Variants in CFAP144 observed in about 807,000 individuals in gnomAD.
CFAP144 encodes the protein cilia and flagella associated protein 144.
chr1:43,150,788 C>A, the CFAP144 span: 1 of 1,610,624 alleles, frequency 6.2e-7, no homozygotes, highest in East Asian at 2.2e-5. Context: ...AAGCCCATGT[C>A]TTGGCATGAT....
chr1:43,152,912 G>A, the CFAP144 span: 2 of 1,613,196 alleles, frequency 1.2e-6, no homozygotes, highest in Non-Finnish European at 1.7e-6. Flanking sequence ...CAGGAAGTTG[G>A]ATGGGACTTA....
chr1:43,145,025 T>A, the CFAP144 span: 1 of 548,352 alleles, frequency 1.8e-6, no homozygotes, highest in Non-Finnish European at 3.3e-6. Flanking sequence ...GGACCCCTTT[T>A]CCATGACCAG....
the CFAP144 span, among the ~76,000 whole-genome samples, chr1:43,152,469 TCAC>T: frequency 1.3e-5 from 2 of 152,158 alleles, no homozygotes; most frequent in Admixed American, 1.3e-4. Context: ...ACATGACCCT[TCAC>T]CTATTCCTTT....
the CFAP144 span, chr1:43,147,816 C>A: frequency 3.3e-6 from 5 of 1,509,070 alleles, no homozygotes; most frequent in South Asian, 5.1e-5. Context: ...CAGAGTGAGA[C>A]CCGCCCCGAC....
chr1:43,156,241 CTT>C, the CFAP144 span: 30 of 1,614,008 alleles, frequency 1.9e-5, no homozygotes. Context: ...GGCTGAATCA[CTT>C]CAGGGTCTGC....
chr1:43,143,996 AC>A, the CFAP144 span, among the ~76,000 whole-genome samples: 75 of 152,320 alleles, frequency 4.9e-4, no homozygotes, highest in African/African-American at 1.8e-3. Context: ...CTTTAATCAC[AC>A]ATATCTATCC....
the CFAP144 span, among the ~76,000 whole-genome samples, chr1:43,148,728 G>A: frequency 2.0e-5 from 3 of 152,002 alleles, no homozygotes; most frequent in African/African-American, 7.3e-5. Flanking sequence ...TCTGCAAAAG[G>A]CCCCGGATGA....
the CFAP144 span, among the ~76,000 whole-genome samples, chr1:43,145,694 T>C: frequency 6.6e-6 from 1 of 152,174 alleles, no homozygotes; most frequent in African/African-American, 2.4e-5. Context: ...CTAGATTCAA[T>C]ATAATCTCAA....
chr1:43,152,960 C>T, the CFAP144 span: 6 of 1,592,938 alleles, frequency 3.8e-6, no homozygotes, highest in South Asian at 1.1e-5. Context: ...TCAGGAAATA[C>T]GAGGAAACAC....
At chr1:43,148,690 ACT>A in the CFAP144 span, among the ~76,000 whole-genome samples, 4 of 150,868 alleles carry the variant, frequency 2.7e-5, no homozygotes, top group Non-Finnish European at 4.4e-5. Flanking sequence ...CACCTTCCCC[ACT>A]CTCTGCTGCT....
the CFAP144 span, among the ~76,000 whole-genome samples, chr1:43,154,337 C>A: frequency 7.0e-6 from 1 of 142,780 alleles, no homozygotes; most frequent in Admixed American, 7.1e-5. Flanking sequence ...TATATATCCC[C>A]TCTTTTTATA....
the CFAP144 span, chr1:43,156,321 G>A: frequency 6.2e-7 from 1 of 1,604,566 alleles, no homozygotes; most frequent in East Asian, 2.2e-5. Context: ...TAGCATCCCA[G>A]CGGATGAGCC....
At chr1:43,154,098 ATACT>A in the CFAP144 span, among the ~76,000 whole-genome samples, 1 of 119,208 alleles carries the variant, frequency 8.4e-6, no homozygotes, top group Non-Finnish European at 1.7e-5. Context: ...ATATATATAT[ATACT>A]CTCTTTTTAT....
chr1:43,144,712 G>A, the CFAP144 span, among the ~76,000 whole-genome samples: 6 of 151,972 alleles, frequency 3.9e-5, no homozygotes, highest in African/African-American at 2.4e-5. Context: ...GTTTTAAACC[G>A]TGCATCTGCT....
chr1:43,143,389 T>C, the CFAP144 span, among the ~76,000 whole-genome samples: 3 of 152,178 alleles, frequency 2.0e-5, no homozygotes, highest in African/African-American at 7.2e-5. Flanking sequence ...GCAGCTGAAC[T>C]TCCATAGAGT....
chr1:43,154,224 AT>A, the CFAP144 span, among the ~76,000 whole-genome samples: 15 of 144,702 alleles, frequency 1.0e-4, no homozygotes, highest in Admixed American at 4.2e-4. Context: ...TATTATATAA[AT>A]TTTTATATAA....
chr1:43,156,111 G>T, the CFAP144 span: 1 of 964,736 alleles, frequency 1.0e-6, no homozygotes, highest in Non-Finnish European at 1.7e-6. Flanking sequence ...AGGCTGGGAG[G>T]GTGGAGCCTG....
the CFAP144 span, chr1:43,150,827 C>T: frequency 1.1e-5 from 18 of 1,604,870 alleles, no homozygotes; most frequent in East Asian, 8.9e-5. Flanking sequence ...GATGGTAAGT[C>T]CTGGGCTTTG....
At chr1:43,144,743 C>T in the CFAP144 span, among the ~76,000 whole-genome samples, 12 of 152,198 alleles carry the variant, frequency 7.9e-5, no homozygotes, top group East Asian at 2.3e-3. Flanking sequence ...TCATCAGGGT[C>T]CCAATTTCCA....
Sources: allele counts gnomAD v4.1 joint callset (sites outside exome capture counted in the v4.1 genomes callset), GRCh38; gene constraint gnomAD v4.1.1; transcripts MANE v1.5; gene names NCBI Gene and HGNC (gene_info 2026-07-23, HGNC 2026-07-21).